The following TBC1D4 variants were observed in gnomAD, a reference collection of about 807,000 sequenced individuals.
The protein encoded by TBC1D4 is TBC1 domain family member 4, also known as TBC (Tre-2, BUB2, CDC16) domain-containing protein.
TBC1D4 carries 121 observed loss-of-function variants against 142.5 expected under a neutral mutation model. That is an observed-to-expected ratio of 0.85 (90% CI 0.73 to 0.99). The LOEUF (loss-of-function observed/expected upper bound fraction) is 0.99, where lower values mean the gene tolerates loss of function less well. TBC1D4 is among the 50% of genes least tolerant of loss of function. The pLI is 0.00. For synonymous variants in TBC1D4, 630 were observed against 628.2 expected (o/e 1.00, Z -0.04); for missense variants, 1,475 against 1,606.6 (o/e 0.92, Z 1.40).
intron 1 of TBC1D4, among the ~76,000 whole-genome samples, chr13:75,445,105 T>C (rs761090878): frequency 6.6e-5 from 10 of 152,184 alleles, no homozygotes; most frequent in Non-Finnish European, 1.3e-4. Flanking sequence ...CTAAAGCCCA[T>C]GCTTTTTCCT....
chr13:75,327,856 CG>C (rs1566383654), intron 8 of TBC1D4, 30 bp from the exon 9 acceptor site: 2 of 1,610,144 alleles, frequency 1.2e-6, no homozygotes, highest in Non-Finnish European at 1.7e-6. Flanking sequence ...TTAAGTGCTT[CG>C]TGTGATTTAA....
Position 75,361,849 on chromosome 13 carries a change from C to T in TBC1D4, c.1080+177G>A, listed in dbSNP as rs533065025. Among the ~76,000 whole-genome samples, 276 of 152,266 alleles carry T rather than the reference C, an allele frequency of 1.8e-3. 3 individuals carry two copies. The highest frequency in any genetic ancestry group is 6.5e-3 in the African/African-American group (269 of 41,546). On this transcript the variant is annotated intron_variant, in intron 2 of 20. Transcript: ENST00000377636. The stretch of plus-strand genomic sequence containing the variant: ...TCCACACTCCACGTCTGCCTCTCCC[C>T]CCTTCCCTACTTTCCTCTGCACTCT...
At chr13:75,382,461 G>A (rs1026631531) in intron 1 of TBC1D4, among the ~76,000 whole-genome samples, 12 of 151,904 alleles carry the variant, frequency 7.9e-5, no homozygotes, top group Admixed American at 5.9e-4. Context: ...CTTTCTTTTC[G>A]AGCTCTTTAA....
intron 5 of TBC1D4, among the ~76,000 whole-genome samples, chr13:75,348,203 G>A (rs900137257): frequency 3.9e-5 from 6 of 152,130 alleles, no homozygotes; most frequent in Middle Eastern, 3.4e-3. Flanking sequence ...AACATTCAAC[G>A]AATACTGTTA....
At position 75,356,203 on chromosome 13, in the gene TBC1D4, C is replaced by T; in HGVS notation, c.1219G>A (p.Glu407Lys). 3.7e-6 allele frequency: 6 copies of T among 1,613,814 alleles called. No individual in the cohort carries two copies. Among genetic ancestry groups the T allele is most frequent in the Non-Finnish European group, 5.1e-6 (6 of 1,179,816 alleles). Residue 407 changes from glutamate to lysine, a missense_variant, in exon 4 of 21, where the codon GAG becomes AAG. This residue lies in a region of TBC1D4 where 1,227 missense variants were observed against 1,267.7 expected (regional missense o/e 0.97). Coordinates refer to ENST00000377636, the MANE Select transcript of TBC1D4 (RefSeq NM_014832.5). ...HFGFICRESP[E>K]PGLSQYICYV... ...CAAATATACTGGCTAAGTCCAGGCT[C>T]TGGAGACTCCCGGCAGATAAAGCCA... is the stretch of plus-strand genomic sequence containing the variant.
At chr13:75,319,968 A>G (rs1270267402) in intron 12 of TBC1D4, 46 bp downstream of exon 12, 1 of 1,599,366 alleles carries the variant, frequency 6.3e-7, no homozygotes. Flanking sequence ...CAGTTGGAAG[A>G]ATCTGTGAAT....
At chr13:75,305,017 T>C (rs1877024869) in intron 15 of TBC1D4, among the ~76,000 whole-genome samples, 1 of 152,140 alleles carries the variant, frequency 6.6e-6, no homozygotes, top group African/African-American at 2.4e-5. Flanking sequence ...ATTCCATGTG[T>C]AGTGAGAAGG....
In TBC1D4 at chr13:75,420,196, G is replaced by A. The variant is rs560055650; in HGVS notation, c.499-57589C>T. On this transcript the variant is annotated intron_variant, in intron 1 of 20. Coordinates refer to ENST00000377636, the MANE Select transcript of TBC1D4 (RefSeq NM_014832.5). ...GCTGCCATCTTCCAGAAGGGGTGGG[G>A]GACTTGTGCTGGGCAGAGCAGTGGC... 2.6e-5 allele frequency among the ~76,000 whole-genome samples: 4 copies of A among 152,256 alleles called. No individual in the cohort carries two copies. The East Asian group carries it at 7.7e-4, about 29-fold the overall frequency.
chr13:75,478,042 G>C lies in TBC1D4; in HGVS notation c.498+3228C>G, dbSNP rs1888690897. 2.0e-5 allele frequency among the ~76,000 whole-genome samples: 3 copies of C among 152,184 alleles called. No homozygotes were observed. The South Asian group carries it at 6.2e-4, about 31-fold the overall frequency. The stretch of plus-strand genomic sequence containing the variant: ...TAAATTGACTCTGACCCAAAGGGAG[G>C]TGTGGAGCCAAGAGGGAACACATCA... On this transcript the variant is annotated intron_variant, in intron 1 of 20. Coordinates refer to ENST00000377636, the MANE Select transcript of TBC1D4 (RefSeq NM_014832.5).
rs1052845994 is a variant in TBC1D4 at position 75,306,583 on chromosome 13, A to T, written c.2594-112T>A. 4.7e-6 allele frequency: 6 copies of T among 1,277,130 alleles called. No homozygotes were observed. In the African/African-American group the frequency reaches 8.9e-5, roughly 19 times the overall value. The allele number at this position is 1,277,130 out of a possible 1,614,324, so 79.1% of individuals were successfully genotyped here. ...AAATGACTTTCAGGAATCAACTGGT[A>T]GTGTATCTCAAAAAGAAAATTTAAA... On this transcript the variant is annotated intron_variant, in intron 14 of 20. Transcript: ENST00000377636.
chr13:75,409,041 G>GCGCACA (rs1555317975), intron 1 of TBC1D4, among the ~76,000 whole-genome samples: 13 of 150,634 alleles, frequency 8.6e-5, no homozygotes, highest in South Asian at 2.1e-4. Context: ...ATACACACAC[G>GCGCACA]CACACACACA....
intron 1 of TBC1D4, among the ~76,000 whole-genome samples, chr13:75,395,785 G>A (rs963502460): frequency 3.9e-5 from 6 of 152,016 alleles, no homozygotes; most frequent in East Asian, 1.9e-4. Flanking sequence ...AGCCGAGATC[G>A]TACCACTGCA....
intron 8 of TBC1D4, among the ~76,000 whole-genome samples, chr13:75,328,161 CA>C (rs1382276789): frequency 6.6e-6 from 1 of 152,082 alleles, no homozygotes; most frequent in Non-Finnish European, 1.5e-5. Context: ...GAAGATACAG[CA>C]AAACAAACCA....
chr13:75,450,920 T>C (rs1887506156), intron 1 of TBC1D4, among the ~76,000 whole-genome samples: 1 of 152,184 alleles, frequency 6.6e-6, no homozygotes, highest in Non-Finnish European at 1.5e-5. Context: ...GGTCCCACCA[T>C]GAATAACAAA....
intron 3 of TBC1D4, among the ~76,000 whole-genome samples, chr13:75,357,825 C>T (rs1179538995): frequency 6.6e-6 from 1 of 152,158 alleles, no homozygotes; most frequent in Non-Finnish European, 1.5e-5. Context: ...GCTAACCTGA[C>T]AATTACCTCA....
At chr13:75,352,422 A>G (rs1183998941) in intron 4 of TBC1D4, among the ~76,000 whole-genome samples, 2 of 151,702 alleles carry the variant, frequency 1.3e-5, no homozygotes, top group African/African-American at 4.8e-5. Context: ...TACTTTCCCT[A>G]AATATTTTGG....
chr13:75,457,407 T>G (rs1365090695), intron 1 of TBC1D4, among the ~76,000 whole-genome samples: 1 of 152,116 alleles, frequency 6.6e-6, no homozygotes, highest in East Asian at 1.9e-4. Context: ...ACACCTATAG[T>G]GCCCACATGA....
chr13:75,336,155 T>C (rs1593748517), intron 8 of TBC1D4, among the ~76,000 whole-genome samples: 1 of 152,214 alleles, frequency 6.6e-6, no homozygotes, highest in East Asian at 1.9e-4. Flanking sequence ...TCCCAGCACT[T>C]TGGGAGGCCG....
chr13:75,326,077 G>T, intron 10 of TBC1D4, 120 bp downstream of exon 10: 2 of 1,125,934 alleles, frequency 1.8e-6, no homozygotes, highest in Non-Finnish European at 1.3e-6. Context: ...TTGTTTTTAT[G>T]GTGTTTCTCA....
Sources: allele counts gnomAD v4.1 joint callset (sites outside exome capture counted in the v4.1 genomes callset), GRCh38; gene constraint gnomAD v4.1.1; regional missense constraint gnomAD v4.1.1; transcripts MANE v1.5; gene names NCBI Gene and HGNC (gene_info 2026-07-23, HGNC 2026-07-21).